The following LCA5L variants were observed in gnomAD, a reference collection of about 807,000 sequenced individuals.
The protein encoded by LCA5L is lebercilin LCA5 like.
Under a neutral mutation model 45.4 loss-of-function variants are expected in LCA5L, and 35 were observed. That is an observed-to-expected ratio of 0.77 (90% CI 0.59 to 1.02). LCA5L has a LOEUF of 1.02. Ranked by LOEUF, LCA5L falls within the 50% of genes least tolerant of loss-of-function variation. The pLI is 0.00. For synonymous variants in LCA5L, 233 were observed against 264.7 expected (o/e 0.88, Z 1.16); for missense variants, 668 against 761.6 (o/e 0.88, Z 1.45).
chr21:39,412,696 A>G (rs1346797657), intron 7 of LCA5L, among the ~76,000 whole-genome samples: 1 of 152,086 alleles, frequency 6.6e-6, no homozygotes, highest in East Asian at 1.9e-4. Flanking sequence ...AGGGATATTC[A>G]GGGGGTGAGA....
At chr21:39,430,929 A>G (rs527795369) in intron 3 of LCA5L, among the ~76,000 whole-genome samples, 2 of 152,344 alleles carry the variant, frequency 1.3e-5, no homozygotes, top group African/African-American at 4.8e-5. Context: ...CTCTCACAGA[A>G]GACTAAAGTG....
At chr21:39,425,162 T>C (rs2147809444) in intron 5 of LCA5L, among the ~76,000 whole-genome samples, 1 of 152,356 alleles carries the variant, frequency 6.6e-6, no homozygotes, top group East Asian at 1.9e-4. Context: ...TCTAAAAATG[T>C]CTGATCCTCA....
chr21:39,421,101 GTTTTTT>G (rs200770360), intron 6 of LCA5L, among the ~76,000 whole-genome samples: 1 of 125,406 alleles, frequency 8.0e-6, no homozygotes, highest in East Asian at 2.1e-4. Context: ...TTAACAATTC[GTTTTTT>G]TTTTTTTTTT....
chr21:39,438,609 T>G (rs1442179449), intron 2 of LCA5L: 1 of 152,112 alleles, frequency 6.6e-6, no homozygotes, highest in Non-Finnish European at 1.5e-5. Flanking sequence ...GCAAAAGATA[T>G]GAATGCATTA....
chr21:39,441,058 TG>T (rs1184745380), intron 2 of LCA5L, among the ~76,000 whole-genome samples: 1 of 152,106 alleles, frequency 6.6e-6, no homozygotes, highest in Non-Finnish European at 1.5e-5. Flanking sequence ...CTGATTGGCC[TG>T]GCGTGGTGGC....
At chr21:39,407,912 T>C (rs533168186) in intron 10 of LCA5L, 1 of 152,334 alleles carries the variant, frequency 6.6e-6, no homozygotes, top group Admixed American at 6.5e-5. Context: ...GAGAGTGGCT[T>C]TGCCGGTGAG....
intron 7 of LCA5L, chr21:39,414,319 G>A (rs567194674): frequency 3.3e-5 from 5 of 152,278 alleles, no homozygotes; most frequent in South Asian, 2.1e-4. Context: ...GGTGTAAGAC[G>A]GGTGGCAGTA....
Position 39,410,056 on chromosome 21 carries a change from G to A in LCA5L, c.1205C>T (p.Ser402Leu), listed in dbSNP as rs756895132. 3.4e-5 allele frequency: 54 copies of A among 1,610,982 alleles called. No individual in the cohort carries two copies. In the East Asian group the frequency reaches 1.2e-3, roughly 35 times the overall value. ...AGGAATTTCATGATTTATTTCAGTTGATTTTTCTTTATGATCGATGTTTCC... is the reference window on the plus strand; with the variant it reads ...AGGAATTTCATGATTTATTTCAGTTAATTTTTCTTTATGATCGATGTTTCC... ...ATGNIDHKEK[S>L]TEINHEIPHC... Residue 402 changes from serine (S) to leucine (L), a missense_variant, in exon 10 of 11, where the codon TCA (serine) becomes TTA (leucine). Coordinates refer to ENST00000288350, the MANE Select transcript of LCA5L (RefSeq NM_152505.4).
In LCA5L at chr21:39,429,949, A is replaced by G. The variant is rs142026030; in HGVS notation, c.-91-738T>C. ...GGGATTGCTTGAGTCCAGGAGGCAG[A>G]GGTTGCAGTGAGCTGTGATCGCGGC... On this transcript the variant is annotated intron_variant, in intron 3 of 10. Coordinates refer to ENST00000288350, the MANE Select transcript of LCA5L (RefSeq NM_152505.4). 1.7e-4 allele frequency among the ~76,000 whole-genome samples: 26 copies of G among 152,294 alleles called. No individual in the cohort carries two copies. The East Asian group carries it at 3.9e-3, about 23-fold the overall frequency.
At chr21:39,424,131 G>T (rs2074231996) in intron 5 of LCA5L, among the ~76,000 whole-genome samples, 1 of 151,988 alleles carries the variant, frequency 6.6e-6, no homozygotes, top group Non-Finnish European at 1.5e-5. Flanking sequence ...TCCTGCCTCA[G>T]CCTCCCGAGT....
In LCA5L at chr21:39,420,815, C is replaced by A; in HGVS notation, c.866G>T (p.Cys289Phe). The stretch of plus-strand genomic sequence containing the variant: ...AGCCAGCTGCCGGCTAAAGGCTCTG[C>A]AGTTCAACCTCAGTTGTTTTTCCAA... ...QSLEKQLRLN[C>F]RAFSRQLAIE... Residue 289 changes from cysteine to phenylalanine, a missense_variant, in exon 7 of 11, where the codon TGC (cysteine) becomes TTC (phenylalanine). Coordinates refer to ENST00000288350, the MANE Select transcript of LCA5L (RefSeq NM_152505.4). The A allele has an allele frequency of 1.2e-5, 19 of 1,612,838 alleles. No homozygotes were observed. The highest frequency in any genetic ancestry group is 1.6e-5 in the Non-Finnish European group (19 of 1,178,978).
rs2074083155 is a variant in LCA5L, at chr21:39,423,486, C to T, written c.327G>A (p.Gln109=). ...GCTTTTTTTCAACTGATATTTCCTT[C>T]TGGCCTGTGTAAGCAGAAAATCCAG... is the stretch of plus-strand genomic sequence containing the variant. The part of the protein sequence containing the change: ...NVSKISQSKG[Q]KEISVEKKHT... The change falls in exon 6 of 11, where the codon CAG becomes CAA. Residue 109 remains glutamine (Q), a synonymous_variant. Coordinates refer to ENST00000288350, the MANE Select transcript of LCA5L (RefSeq NM_152505.4). 6.4e-7 allele frequency: 1 copy of T among 1,555,656 alleles called. No homozygotes were observed. The highest frequency in any genetic ancestry group is 8.6e-7 in the Non-Finnish European group (1 of 1,160,478).
chr21:39,418,126 A>G (rs2041617261), intron 7 of LCA5L, among the ~76,000 whole-genome samples: 1 of 152,202 alleles, frequency 6.6e-6, no homozygotes, highest in African/African-American at 2.4e-5. Context: ...TCACAAGAAC[A>G]GCATGGGAAA....
intron 2 of LCA5L, among the ~76,000 whole-genome samples, chr21:39,437,867 A>G (rs1035911488): frequency 5.3e-5 from 8 of 152,236 alleles, no homozygotes; most frequent in Non-Finnish European, 2.9e-5. Flanking sequence ...GGAAACTTTA[A>G]AACTACTGAA....
chr21:39,429,774 T>C (rs889837750), intron 3 of LCA5L, among the ~76,000 whole-genome samples: 2 of 152,110 alleles, frequency 1.3e-5, no homozygotes, highest in African/African-American at 4.8e-5. Context: ...TACCAGCACT[T>C]TGGGAGGCTG....
intron 3 of LCA5L, among the ~76,000 whole-genome samples, chr21:39,433,852 C>A (rs1294005941): frequency 2.0e-5 from 3 of 150,970 alleles, no homozygotes; most frequent in Non-Finnish European, 4.4e-5. Context: ...GCAACCTCCA[C>A]CTCCTGGGTT....
intron 2 of LCA5L, among the ~76,000 whole-genome samples, chr21:39,439,278 C>T (rs1480733848): frequency 2.0e-5 from 3 of 152,150 alleles, no homozygotes; most frequent in Non-Finnish European, 4.4e-5. Context: ...GAATGATCCT[C>T]CCTTGGATCC....
At chr21:39,411,074 T>C (rs2040014994) in intron 8 of LCA5L, 1 of 362,340 alleles carries the variant, frequency 2.8e-6, no homozygotes, top group Non-Finnish European at 5.4e-6. Context: ...TCAATATAGA[T>C]GAATCTCAAA....
At chr21:39,417,398 T>A (rs11910288) in intron 7 of LCA5L, among the ~76,000 whole-genome samples, 1 of 152,216 alleles carries the variant, frequency 6.6e-6, no homozygotes, top group African/African-American at 2.4e-5. Flanking sequence ...ATTTTCATGG[T>A]TCCATAAAGA....
Sources: gnomAD v4.1 joint callset for allele counts (sites outside exome capture counted in the v4.1 genomes callset) on GRCh38, gnomAD v4.1.1 for gene constraint, MANE v1.5 for transcripts, NCBI Gene and HGNC (gene_info 2026-07-23, HGNC 2026-07-21) for gene names.